CTDSPL: variants seen among roughly 807,000 people sequenced by gnomAD.
CTDSPL encodes the protein CTD small phosphatase like.
In CTDSPL, 8 loss-of-function variants were observed where a neutral mutation model predicts 30.5. The observed-to-expected ratio is 0.26, with a 90% CI of 0.15 to 0.47. The LOEUF is 0.47. CTDSPL is among the 20% of genes least tolerant of loss of function. CTDSPL has a pLI of 0.99. For missense variants in CTDSPL, 248 were observed against 366.1 expected, an observed-to-expected ratio of 0.68 and a Z score of 2.63; for synonymous variants, 110 against 137.9, an observed-to-expected ratio of 0.80 and a Z score of 1.42.
chr3:37,957,730 C>G (rs576302230), intron 3 of CTDSPL, among the ~76,000 whole-genome samples: 2 of 152,324 alleles, frequency 1.3e-5, no homozygotes, highest in South Asian at 2.1e-4. Context: ...TGAGGCCACC[C>G]CCACTTCTGT....
intron 1 of CTDSPL, among the ~76,000 whole-genome samples, chr3:37,878,154 G>A (rs145235148): frequency 2.0e-5 from 3 of 152,198 alleles, no homozygotes; most frequent in Admixed American, 2.0e-4. Context: ...TGAGTGTGAG[G>A]TATTAACAGT....
intron 3 of CTDSPL, among the ~76,000 whole-genome samples, chr3:37,963,177 CTCTT>C (rs1417402084): frequency 2.0e-5 from 3 of 152,166 alleles, no homozygotes; most frequent in Non-Finnish European, 2.9e-5. Context: ...GCCATAAAGG[CTCTT>C]TCTTCTGGAT....
Position 37,980,927 on chromosome 3 carries a change from G to T in CTDSPL, c.*60G>T. ...TGGAACCTCTGGCCTCAGGGGACCT[G>T]CCTGTCCTCAGCTCCCTGGGAGCTG... On this transcript the variant is annotated 3_prime_UTR_variant, in exon 8 of 8. Transcript: ENST00000273179. 1 of 1,563,220 alleles carries T rather than the reference G, an allele frequency of 6.4e-7. No individual in the cohort carries two copies. Among genetic ancestry groups the T allele is most frequent in the Non-Finnish European group, 8.7e-7 (1 of 1,146,870 alleles).
At chr3:37,944,654 G>A (rs1373747041) in intron 1 of CTDSPL, 1 of 150,278 alleles carries the variant, frequency 6.7e-6, no homozygotes, top group Non-Finnish European at 1.5e-5. Context: ...ATCCAAGAGT[G>A]ATTAGAAAAT....
At position 37,967,834 on chromosome 3, in the gene CTDSPL, T is replaced by A. The variant is rs1406017018; in HGVS notation, c.378T>A (p.Ser126Arg). The change falls in exon 5 of 8, where the codon AGT becomes AGA. Residue 126 changes from serine to arginine, a missense_variant. This residue lies in a region of CTDSPL where 45 missense variants were observed against 83.1 expected (regional missense o/e 0.54). Coordinates refer to ENST00000273179, the MANE Select transcript of CTDSPL (RefSeq NM_001008392.2). Reference protein sequence around the residue: ...TLVHSSFKPISNADFIVPVEI... With the variant: ...TLVHSSFKPIRNADFIVPVEI... ...GTCTCTTTTTTCTCTAGCCTATTAG[T>A]AATGCTGATTTTATTGTTCCGGTTG... 1.3e-6 allele frequency: 2 copies of A among 1,596,404 alleles called. No individual in the cohort carries two copies. The highest frequency in any genetic ancestry group is 1.4e-5 in the African/African-American group (1 of 74,008).
chr3:37,980,863 G>A lies in CTDSPL; in HGVS notation c.827G>A (p.Arg276Lys). The A allele has an allele frequency of 1.2e-6, 2 of 1,613,876 alleles. No individual in the cohort carries two copies. The highest frequency in any genetic ancestry group is 1.7e-6 in the Non-Finnish European group (2 of 1,179,856). ...VYSMLHRLCNR is the reference protein window; with the variant it reads ...VYSMLHRLCNK ...AGCATGCTGCACAGACTCTGCAATA[G>A]GTAGCCCTGGCCTCTGCCTGCCTCC... Residue 276 changes from arginine (R) to lysine (K), a missense_variant, in exon 8 of 8, where the codon AGG becomes AAG. Transcript: ENST00000273179.
intron 1 of CTDSPL, among the ~76,000 whole-genome samples, chr3:37,938,369 A>G (rs1220892029): frequency 6.7e-6 from 1 of 150,342 alleles, no homozygotes; most frequent in East Asian, 1.9e-4. Context: ...AAGAATTATA[A>G]AAAGTCACTG....
intron 1 of CTDSPL, among the ~76,000 whole-genome samples, chr3:37,890,802 G>A (rs1698315972): frequency 6.6e-6 from 1 of 152,092 alleles, no homozygotes. Flanking sequence ...TTTCAGATGA[G>A]GTTATAAGGC....
rs183823171 is a variant in CTDSPL, at chr3:37,975,676, C to T, written c.520-33C>T. The T allele has an allele frequency of 2.4e-3, 3,747 of 1,571,972 alleles. 5 individuals are homozygous for T. The highest frequency in any genetic ancestry group is 2.9e-3 in the Non-Finnish European group (3,313 of 1,154,858). On this transcript the variant is annotated intron_variant, in intron 6 of 7. Coordinates refer to ENST00000273179, the MANE Select transcript of CTDSPL (RefSeq NM_001008392.2). This position sits in a 1 kb window ranked among gnomAD's most constrained non-coding sequence, Gnocchi z 4.9. ...TCAGGGTTTGGGGGGCTCTTTTAAACACCCAGCCTTCATTGTGACACGTCT... is the reference window on the plus strand; with the variant it reads ...TCAGGGTTTGGGGGGCTCTTTTAAATACCCAGCCTTCATTGTGACACGTCT...
At chr3:37,910,358 G>A (rs1264025983) in intron 1 of CTDSPL, among the ~76,000 whole-genome samples, 1 of 152,150 alleles carries the variant, frequency 6.6e-6, no homozygotes, top group Non-Finnish European at 1.5e-5. Flanking sequence ...GTGGGCACCT[G>A]TAATCCCAGC....
chr3:37,957,107 T>C lies in CTDSPL; in HGVS notation c.235-4T>C, dbSNP rs1699183430. The stretch of plus-strand genomic sequence containing the variant: ...ACAATGATTTTTTTTTTCTTTTTCC[T>C]CAGGGTGACCAGAGGCAGGTCATTC... On this transcript the variant is annotated splice_polypyrimidine_tract_variant and splice_region_variant and intron_variant, in intron 2 of 7. Transcript: ENST00000273179. 1 of 1,599,746 alleles carries C rather than the reference T, an allele frequency of 6.3e-7. No individual in the cohort carries two copies. The highest frequency in any genetic ancestry group is 1.3e-5 in the African/African-American group (1 of 74,110).
chr3:37,871,270 G>A (rs1372843801), intron 1 of CTDSPL, among the ~76,000 whole-genome samples: 1 of 152,036 alleles, frequency 6.6e-6, no homozygotes. Flanking sequence ...TTTCCTCCAT[G>A]TCTTTTCATG....
chr3:37,891,860 T>C (rs1303941235), intron 1 of CTDSPL, among the ~76,000 whole-genome samples: 2 of 152,162 alleles, frequency 1.3e-5, no homozygotes, highest in Non-Finnish European at 2.9e-5. Context: ...TGTACAGCTT[T>C]GTACAACATA....
intron 1 of CTDSPL, among the ~76,000 whole-genome samples, chr3:37,901,659 G>A (rs1223921997): frequency 2.0e-5 from 3 of 152,106 alleles, no homozygotes; most frequent in African/African-American, 4.8e-5. Flanking sequence ...CTCTTGCTTT[G>A]AGAGCAGGAG....
At chr3:37,927,828 T>G (rs1294314053) in intron 1 of CTDSPL, among the ~76,000 whole-genome samples, 1 of 151,944 alleles carries the variant, frequency 6.6e-6, no homozygotes, top group Non-Finnish European at 1.5e-5. Flanking sequence ...CTAGACTCAT[T>G]GAACAGTAAC....
At chr3:37,904,684 G>A (rs182802878) in intron 1 of CTDSPL, among the ~76,000 whole-genome samples, 64 of 152,284 alleles carry the variant, frequency 4.2e-4, no homozygotes, top group African/African-American at 1.4e-3. Flanking sequence ...TTTTTATAGA[G>A]AAAACGTATG....
rs566856780 is a variant in CTDSPL at position 37,947,163 on chromosome 3, C to T, written c.186C>T (p.Ser62=). The part of the protein sequence containing the change: ...DYNVEAPPPS[S]PSVLPPLVEE... Reference sequence around the variant, plus strand: ...ATGTGGAGGCCCCTCCACCCAGCAGCCCCAGTGTGCTTCCGCCACTGGTGG... The same window carrying T: ...ATGTGGAGGCCCCTCCACCCAGCAGTCCCAGTGTGCTTCCGCCACTGGTGG... The change falls in exon 2 of 8, where the codon AGC becomes AGT. Residue 62 remains serine, a synonymous_variant. Coordinates refer to ENST00000273179, the MANE Select transcript of CTDSPL (RefSeq NM_001008392.2). 4 of 1,612,870 alleles carry T rather than the reference C, an allele frequency of 2.5e-6. No individual in the cohort carries two copies. In the Admixed American group the frequency reaches 5.0e-5, roughly 20 times the overall value.
chr3:37,948,730 A>G (rs1427804011), intron 2 of CTDSPL, among the ~76,000 whole-genome samples: 1 of 152,214 alleles, frequency 6.6e-6, no homozygotes, highest in Non-Finnish European at 1.5e-5. Flanking sequence ...TTGCACATAT[A>G]AATACATGAA....
chr3:37,890,142 C>T (rs191702234), intron 1 of CTDSPL, among the ~76,000 whole-genome samples: 4 of 152,290 alleles, frequency 2.6e-5, no homozygotes, highest in East Asian at 1.9e-4. Flanking sequence ...CTGATATAAC[C>T]GACCATTTGG....
Sources: allele counts gnomAD v4.1 joint callset (sites outside exome capture counted in the v4.1 genomes callset), GRCh38; gene constraint gnomAD v4.1.1; regional missense constraint gnomAD v4.1.1; non-coding constraint Gnocchi (gnomAD v3.1); transcripts MANE v1.5; gene names NCBI Gene and HGNC (gene_info 2026-07-23, HGNC 2026-07-21).